ARMC9: variants seen among roughly 807,000 people sequenced by gnomAD.
The protein encoded by ARMC9 is lisH domain-containing protein ARMC9.
Under a neutral mutation model 107.0 loss-of-function variants are expected in ARMC9, and 94 were observed. That is an observed-to-expected ratio of 0.88 (90% confidence interval 0.74 to 1.04). The LOEUF (loss-of-function observed/expected upper bound fraction) is 1.04. Among genes scored for constraint, ARMC9 ranks in the 50% least tolerant of loss-of-function variants. ARMC9 has a pLI of 0.00. For synonymous variants in ARMC9, 380 were observed against 396.9 expected (o/e 0.96, Z 0.51); for missense variants, 942 against 1,030.1 (o/e 0.91, Z 1.17).
intron 20 of ARMC9, 64 bp downstream of exon 20, chr2:231,331,961 C>CGTGTTTTCAGTGACACAGA: frequency 7.3e-7 from 1 of 1,379,000 alleles, no homozygotes; most frequent in East Asian, 2.3e-5. Context: ...TGATGGATTT[C>CGTGTTTTCAGTGACACAGA]GTGTTTTCAG....
chr2:231,284,109 A>G (rs956014195), intron 17 of ARMC9, among the ~76,000 whole-genome samples: 39 of 152,194 alleles, frequency 2.6e-4, no homozygotes, highest in Non-Finnish European at 1.2e-4. Context: ...CAATAAGATT[A>G]TAATACCCCA....
intron 24 of ARMC9, among the ~76,000 whole-genome samples, chr2:231,371,239 A>G (rs16828017): frequency 0.23 from 35,642 of 152,210 alleles, 9,737 homozygotes; most frequent in African/African-American, 0.67. Flanking sequence ...CGGTGTGGAC[A>G]GCTCAGCCAG....
At position 231,278,248 on chromosome 2, in the gene ARMC9, G is replaced by A. The variant is rs554745712; in HGVS notation, c.1475-134G>A. The A allele has an allele frequency of 2.4e-5, 19 of 788,256 alleles. 1 individual carries two copies. The highest frequency in any genetic ancestry group is 1.1e-4 in the South Asian group (7 of 63,770). The allele number at this position is 788,256 out of a possible 1,614,324, so 48.8% of individuals were successfully genotyped here. Reference sequence around the variant, plus strand: ...CCCAGATTGGTTACATGACTCACCCGAGGTCATACAGCTCACCCGAGGTCA... The same window carrying A: ...CCCAGATTGGTTACATGACTCACCCAAGGTCATACAGCTCACCCGAGGTCA... On this transcript the variant is annotated intron_variant, in intron 15 of 24. Transcript: ENST00000611582.
At chr2:231,245,771 G>A (rs529248535) in intron 9 of ARMC9, among the ~76,000 whole-genome samples, 1 of 152,286 alleles carries the variant, frequency 6.6e-6, no homozygotes, top group African/African-American at 2.4e-5. Flanking sequence ...GGTGTAGTAT[G>A]CATTTTCCCT....
intron 20 of ARMC9, among the ~76,000 whole-genome samples, chr2:231,332,543 G>A (rs1033254685): frequency 3.9e-5 from 6 of 152,190 alleles, no homozygotes; most frequent in Non-Finnish European, 8.8e-5. Flanking sequence ...TCCTTAAGCT[G>A]ACCTGTGAGA....
At chr2:231,320,699 G>A (rs893816306) in intron 19 of ARMC9, among the ~76,000 whole-genome samples, 45 of 152,310 alleles carry the variant, frequency 3.0e-4, no homozygotes, top group Non-Finnish European at 5.0e-4. Flanking sequence ...AGCCAAGGCT[G>A]GGACCTGTCT....
chr2:231,286,474 A>G (rs2040600821), intron 17 of ARMC9, among the ~76,000 whole-genome samples: 1 of 152,212 alleles, frequency 6.6e-6, no homozygotes, highest in African/African-American at 2.4e-5. Flanking sequence ...TGGCAGTTAC[A>G]TGAAAAATCA....
rs2043409812 is a variant in ARMC9, at chr2:231,327,543, G to A, written c.1774-4250G>A. Among the ~76,000 whole-genome samples the A allele has an allele frequency of 4.6e-5, 7 of 152,252 alleles. No individual in the cohort carries two copies. In the South Asian group the frequency reaches 1.5e-3, roughly 32 times the overall value. On this transcript the variant is annotated intron_variant, in intron 19 of 24. Transcript: ENST00000611582. ...TTTTCTTTCTGAGTAGTATTCTGTG[G>A]TGTGTATGTACCACATTTGTTTACC...
chr2:231,301,100 T>A (rs559745179), intron 19 of ARMC9, among the ~76,000 whole-genome samples: 11 of 152,230 alleles, frequency 7.2e-5, no homozygotes, highest in Non-Finnish European at 1.6e-4. Context: ...CAGATCCATA[T>A]ATACTTTTGT....
chr2:231,332,706 G>C (rs114967925), intron 20 of ARMC9, among the ~76,000 whole-genome samples: 4 of 152,172 alleles, frequency 2.6e-5, no homozygotes, highest in Admixed American at 2.0e-4. Context: ...GAGCAGGTAG[G>C]GGGGCCTGGT....
In ARMC9 at chr2:231,264,921, A is replaced by G. The variant is rs1445897936; in HGVS notation, c.1119+2523A>G. Among the ~76,000 whole-genome samples, 4 of 152,212 alleles carry G rather than the reference A, an allele frequency of 2.6e-5. No individual in the cohort carries two copies. The East Asian group carries it at 7.8e-4, about 30-fold the overall frequency. On this transcript the variant is annotated intron_variant, in intron 12 of 24. Transcript: ENST00000611582. ...GGAGATCAAGACCAGCCTGGCCAAC[A>G]TGGTGAAACCCTGTCTCTGCTAAAA...
intron 9 of ARMC9, among the ~76,000 whole-genome samples, chr2:231,242,542 G>A (rs1006868878): frequency 1.6e-4 from 25 of 152,236 alleles, no homozygotes; most frequent in South Asian, 4.2e-4. Flanking sequence ...CCACATCCCC[G>A]AGAATATGGC....
chr2:231,206,526 A>G (rs145905680), intron 2 of ARMC9, among the ~76,000 whole-genome samples: 8 of 152,374 alleles, frequency 5.3e-5, no homozygotes, highest in African/African-American at 1.7e-4. Flanking sequence ...GTCCACGGTA[A>G]AAGATTCAAG....
intron 18 of ARMC9, among the ~76,000 whole-genome samples, chr2:231,292,751 T>G (rs1041667243): frequency 1.2e-4 from 18 of 152,228 alleles, no homozygotes; most frequent in African/African-American, 4.3e-4. Flanking sequence ...GCAAGTCACA[T>G]GCGTGAATCC....
intron 19 of ARMC9, among the ~76,000 whole-genome samples, chr2:231,301,170 A>C (rs760694970): frequency 2.0e-5 from 3 of 152,188 alleles, no homozygotes; most frequent in Non-Finnish European, 4.4e-5. Context: ...CTTCTACACC[A>C]TGTTGCCTTT....
intron 6 of ARMC9, among the ~76,000 whole-genome samples, chr2:231,225,495 G>A (rs545854927): frequency 1.3e-5 from 2 of 152,332 alleles, no homozygotes; most frequent in African/African-American, 4.8e-5. Flanking sequence ...TAAACAAACT[G>A]TGGTGTTATC....
At chr2:231,262,741 A>G (rs1296544862) in intron 12 of ARMC9, among the ~76,000 whole-genome samples, 1 of 152,210 alleles carries the variant, frequency 6.6e-6, no homozygotes, top group Non-Finnish European at 1.5e-5. Context: ...GGTTGTTTAC[A>G]TCTGGGCCTG....
chr2:231,317,918 C>T (rs1176229774), intron 19 of ARMC9, among the ~76,000 whole-genome samples: 2 of 152,046 alleles, frequency 1.3e-5, no homozygotes, highest in African/African-American at 4.8e-5. Context: ...CTTCTGAGCA[C>T]ATTTTCCTTT....
chr2:231,307,072 C>T (rs1215673503), intron 19 of ARMC9, among the ~76,000 whole-genome samples: 1 of 152,154 alleles, frequency 6.6e-6, no homozygotes, highest in Non-Finnish European at 1.5e-5. Context: ...CTTTCCCTTG[C>T]CCTGGTGTTC....
Sources: allele counts gnomAD v4.1 joint callset (sites outside exome capture counted in the v4.1 genomes callset), GRCh38; gene constraint gnomAD v4.1.1; transcripts MANE v1.5; gene names NCBI Gene and HGNC (gene_info 2026-07-23, HGNC 2026-07-21).